LTBP1: variants seen among roughly 807,000 people sequenced by gnomAD.
LTBP1 encodes the protein latent transforming growth factor beta binding protein 1.
A neutral mutation model predicts 207.6 loss-of-function variants in LTBP1; 129 were observed. The ratio of observed to expected loss-of-function variants is 0.62; its 90% CI spans 0.54 to 0.72. The LOEUF is 0.72. LTBP1 is among the 30% of genes least tolerant of loss of function. The pLI is 0.00. For missense variants in LTBP1, 2,281 were observed against 2,217.2 expected (o/e 1.03, Z -0.58); for synonymous variants, 963 against 833.7 (o/e 1.16, Z -2.67).
At chr2:32,976,728 A>T (rs1386900337) in intron 2 of LTBP1, among the ~76,000 whole-genome samples, 3 of 152,172 alleles carry the variant, frequency 2.0e-5, no homozygotes, top group Non-Finnish European at 4.4e-5. Flanking sequence ...CGGTTGGCAC[A>T]TAGGCCATAT....
chr2:33,231,624 G>A (rs533178617), intron 9 of LTBP1, among the ~76,000 whole-genome samples: 6 of 152,216 alleles, frequency 3.9e-5, no homozygotes, highest in African/African-American at 1.4e-4. Context: ...GTCTTTGAAT[G>A]CTTTGAGAAC....
intron 4 of LTBP1, among the ~76,000 whole-genome samples, chr2:33,131,013 A>G (rs1446682631): frequency 6.6e-6 from 1 of 151,970 alleles, no homozygotes; most frequent in Non-Finnish European, 1.5e-5. Flanking sequence ...GGTAGGTGCC[A>G]CTCGGGATGG....
intron 2 of LTBP1, among the ~76,000 whole-genome samples, chr2:32,991,478 T>C (rs1684409073): frequency 6.6e-6 from 1 of 152,208 alleles, no homozygotes; most frequent in African/African-American, 2.4e-5. Flanking sequence ...GTTTTAAAAA[T>C]CACACATAGG....
chr2:33,003,352 T>G (rs550419749), intron 2 of LTBP1, among the ~76,000 whole-genome samples: 1 of 152,362 alleles, frequency 6.6e-6, no homozygotes, highest in East Asian at 1.9e-4. Flanking sequence ...ATGAGGCTTC[T>G]TTCAACCATC....
intron 5 of LTBP1, among the ~76,000 whole-genome samples, chr2:33,145,346 A>G (rs2082942055): frequency 6.6e-6 from 1 of 152,170 alleles, no homozygotes; most frequent in Non-Finnish European, 1.5e-5. Flanking sequence ...CAGCTTCAAT[A>G]AGAATTGGTC....
intron 2 of LTBP1, among the ~76,000 whole-genome samples, chr2:32,956,138 G>T (rs1175840646): frequency 6.6e-6 from 1 of 152,172 alleles, no homozygotes; most frequent in African/African-American, 2.4e-5. Flanking sequence ...TTTGCTAGTG[G>T]AAGGTCTTGC....
intron 2 of LTBP1, among the ~76,000 whole-genome samples, chr2:32,993,426 C>G (rs1684738462): frequency 6.6e-6 from 1 of 152,172 alleles, no homozygotes; most frequent in Non-Finnish European, 1.5e-5. Context: ...CACACACTCT[C>G]TCTCTCTCAT....
chr2:33,108,507 A>C (rs572103492), intron 3 of LTBP1, among the ~76,000 whole-genome samples: 1 of 152,162 alleles, frequency 6.6e-6, no homozygotes, highest in East Asian at 1.9e-4. Context: ...GCCCGTCCAC[A>C]TGTATGCTTT....
chr2:33,022,325 A>G (rs923027170), intron 3 of LTBP1, among the ~76,000 whole-genome samples: 2 of 132,378 alleles, frequency 1.5e-5, no homozygotes, highest in Non-Finnish European at 1.6e-5. Context: ...GTCTCATAAT[A>G]CTTCAGTTCT....
intron 31 of LTBP1, among the ~76,000 whole-genome samples, chr2:33,378,216 TGTGTGTTTTG>T (rs1445768625): frequency 6.9e-6 from 1 of 145,360 alleles, no homozygotes; most frequent in African/African-American, 2.5e-5. Context: ...TGTGTGTGTG[TGTGTGTTTTG>T]TTTGTTTGTT....
At chr2:33,028,257 G>A (rs2075525296) in intron 3 of LTBP1, among the ~76,000 whole-genome samples, 1 of 152,172 alleles carries the variant, frequency 6.6e-6, no homozygotes, top group African/African-American at 2.4e-5. Flanking sequence ...TAATACAATT[G>A]AAATAAATCA....
intron 24 of LTBP1, among the ~76,000 whole-genome samples, chr2:33,338,411 A>C (rs1202570676): frequency 6.6e-6 from 1 of 152,206 alleles, no homozygotes; most frequent in Admixed American, 6.5e-5. Flanking sequence ...TTCCTTCAGG[A>C]ATCTGGACTG....
chr2:33,149,765 A>G (rs1017290712), intron 5 of LTBP1, among the ~76,000 whole-genome samples: 1 of 152,200 alleles, frequency 6.6e-6, no homozygotes, highest in African/African-American at 2.4e-5. Context: ...AAGTGATCGT[A>G]TAACAGAAAC....
chr2:32,954,100 C>A (rs1487488864), intron 2 of LTBP1, among the ~76,000 whole-genome samples: 1 of 152,200 alleles, frequency 6.6e-6, no homozygotes, highest in African/African-American at 2.4e-5. Context: ...GGGCAGTGCT[C>A]AGATGCCACT....
chr2:33,119,351 A>T (rs1400304479), intron 4 of LTBP1, among the ~76,000 whole-genome samples: 1 of 152,214 alleles, frequency 6.6e-6, no homozygotes, highest in Non-Finnish European at 1.5e-5. Context: ...ATTAATCATT[A>T]TTAGAACAGA....
intron 24 of LTBP1, among the ~76,000 whole-genome samples, chr2:33,342,550 A>C (rs1338888554): frequency 6.6e-6 from 1 of 152,274 alleles, no homozygotes; most frequent in East Asian, 1.9e-4. Context: ...ACGTTTAGGT[A>C]ATACTGGGCG....
intron 3 of LTBP1, among the ~76,000 whole-genome samples, chr2:33,048,080 T>C (rs940351823): frequency 1.3e-5 from 2 of 152,202 alleles, no homozygotes; most frequent in African/African-American, 4.8e-5. Flanking sequence ...TTAAGAGCCG[T>C]AGCATTGTTG....
At chr2:33,051,410 G>T (rs111611523) in intron 3 of LTBP1, among the ~76,000 whole-genome samples, 1 of 152,004 alleles carries the variant, frequency 6.6e-6, no homozygotes, top group Non-Finnish European at 1.5e-5. Context: ...GAGCAAGATC[G>T]TGTTTCTAAA....
chr2:33,107,871 G>A (rs10490450), intron 3 of LTBP1, among the ~76,000 whole-genome samples: 16,620 of 152,154 alleles, frequency 0.11, 1,209 homozygotes, highest in Non-Finnish European at 0.16. Flanking sequence ...TTACATTGCT[G>A]TGACTAATTT....
Sources: gnomAD v4.1 joint callset for allele counts (sites outside exome capture counted in the v4.1 genomes callset) on GRCh38, gnomAD v4.1.1 for gene constraint, MANE v1.5 for transcripts, NCBI Gene and HGNC (gene_info 2026-07-23, HGNC 2026-07-21) for gene names.